LDB2: variants seen among roughly 807,000 people sequenced by gnomAD.
LDB2 encodes LIM domain-binding protein 2.
Under a neutral mutation model 44.3 loss-of-function variants are expected in LDB2, and 12 were observed. That is an observed-to-expected ratio of 0.27 (90% CI 0.17 to 0.44). The LOEUF (loss-of-function observed/expected upper bound fraction) is 0.44, where lower values mean the gene tolerates loss of function less well. Ranked by LOEUF, LDB2 falls within the 20% of genes least tolerant of loss-of-function variation. LDB2 has a pLI of 1.00. For missense variants in LDB2, 344 were observed against 473.5 expected (o/e 0.73, Z 2.54); for synonymous variants, 164 against 174.8 (o/e 0.94, Z 0.49).
intron 5 of LDB2, among the ~76,000 whole-genome samples, chr4:16,575,268 G>A (rs1042528596): frequency 6.6e-6 from 1 of 152,136 alleles, no homozygotes; most frequent in Non-Finnish European, 1.5e-5. Flanking sequence ...GCATCTGAAT[G>A]GATAAAGAGG....
intron 2 of LDB2, among the ~76,000 whole-genome samples, chr4:16,606,370 A>G (rs1318540626): frequency 6.6e-6 from 1 of 152,204 alleles, no homozygotes; most frequent in Non-Finnish European, 1.5e-5. Context: ...AAAGGGAAAT[A>G]TATATTTTAT....
intron 2 of LDB2, among the ~76,000 whole-genome samples, chr4:16,716,853 A>T (rs770783383): frequency 7.2e-5 from 11 of 152,068 alleles, no homozygotes; most frequent in Non-Finnish European, 1.6e-4. Flanking sequence ...ACAGATAAAT[A>T]TTTATACTAA....
intron 2 of LDB2, among the ~76,000 whole-genome samples, chr4:16,717,622 C>T (rs1375662996): frequency 6.6e-6 from 1 of 152,128 alleles, no homozygotes; most frequent in Non-Finnish European, 1.5e-5. Flanking sequence ...ATTTAGCTGC[C>T]ACACAGACCA....
chr4:16,694,629 C>T (rs1751662012), intron 2 of LDB2, among the ~76,000 whole-genome samples: 1 of 151,802 alleles, frequency 6.6e-6, no homozygotes, highest in African/African-American at 2.4e-5. Flanking sequence ...ACACAGCCGG[C>T]TTGAAACTTA....
rs368849446 is a variant in LDB2, at chr4:16,766,792, G to A, written c.133-7532C>T. Reference sequence around the variant, plus strand: ...AAGTGCTGGGATTACAGGCATGAGCGTGCTTGGCCCCAATTTATATATTGG... The same window carrying A: ...AAGTGCTGGGATTACAGGCATGAGCATGCTTGGCCCCAATTTATATATTGG... On this transcript the variant is annotated intron_variant, in intron 1 of 7. Transcript: ENST00000304523. Among the ~76,000 whole-genome samples, 26 of 152,030 alleles carry A rather than the reference G, an allele frequency of 1.7e-4. No homozygotes were observed. In the East Asian group the frequency reaches 1.7e-3, roughly 10 times the overall value.
intron 5 of LDB2, among the ~76,000 whole-genome samples, chr4:16,517,578 T>G (rs1284939922): frequency 2.0e-5 from 3 of 151,868 alleles, no homozygotes. Flanking sequence ...AGTACCGGAG[T>G]GAAGAATACC....
chr4:16,731,674 G>A (rs1416366594), intron 2 of LDB2, among the ~76,000 whole-genome samples: 1 of 152,152 alleles, frequency 6.6e-6, no homozygotes, highest in Non-Finnish European at 1.5e-5. Flanking sequence ...TATTGTTTAA[G>A]CCACCTAGTA....
At chr4:16,844,087 T>A (rs1481922565) in intron 1 of LDB2, among the ~76,000 whole-genome samples, 3 of 117,828 alleles carry the variant, frequency 2.5e-5, no homozygotes, top group African/African-American at 6.6e-5. Flanking sequence ...ACCCCATCTC[T>A]AAAAAAAAAA....
intron 2 of LDB2, among the ~76,000 whole-genome samples, chr4:16,682,802 A>C (rs1748273619): frequency 6.6e-6 from 1 of 152,346 alleles, no homozygotes; most frequent in Middle Eastern, 3.4e-3. Flanking sequence ...ATTTCAGACT[A>C]ATCTTTAATG....
intron 2 of LDB2, among the ~76,000 whole-genome samples, chr4:16,719,421 A>G (rs909824534): frequency 2.0e-5 from 3 of 152,122 alleles, no homozygotes; most frequent in Non-Finnish European, 1.5e-5. Flanking sequence ...TGTCCGTTCC[A>G]CAGAGGATGA....
At chr4:16,670,634 C>T (rs1022949420) in intron 2 of LDB2, among the ~76,000 whole-genome samples, 4 of 152,168 alleles carry the variant, frequency 2.6e-5, no homozygotes, top group African/African-American at 7.2e-5. Flanking sequence ...CAGTTAAGGA[C>T]CACAGGGTTA....
chr4:16,700,114 G>A (rs750461403), intron 2 of LDB2, among the ~76,000 whole-genome samples: 2 of 152,112 alleles, frequency 1.3e-5, no homozygotes, highest in Non-Finnish European at 2.9e-5. Flanking sequence ...ATGCTCCAAT[G>A]AACATTTCCT....
At chr4:16,530,730 C>G (rs1246737210) in intron 5 of LDB2, among the ~76,000 whole-genome samples, 2 of 152,194 alleles carry the variant, frequency 1.3e-5, no homozygotes, top group African/African-American at 4.8e-5. Flanking sequence ...CAGAGACTCT[C>G]CTGAAGTTTG....
intron 2 of LDB2, among the ~76,000 whole-genome samples, chr4:16,741,888 A>C (rs957280244): frequency 1.3e-5 from 2 of 152,196 alleles, no homozygotes; most frequent in African/African-American, 4.8e-5. Flanking sequence ...TCTATGATCT[A>C]GAGTCTATAT....
At chr4:16,892,990 T>C (rs1723854477) in intron 1 of LDB2, 1 of 551,118 alleles carries the variant, frequency 1.8e-6, no homozygotes. Context: ...GCAGCAATTT[T>C]TAATTAAAAA....
In LDB2 at chr4:16,633,444, AT is replaced by A. The variant is rs527476926; in HGVS notation, c.236-37570del. 6.0e-3 allele frequency among the ~76,000 whole-genome samples: 913 copies of A among 152,298 alleles called. 9 individuals carry two copies. The highest frequency in any genetic ancestry group is 0.021 in the African/African-American group (881 of 41,542). On this transcript the variant is annotated intron_variant, in intron 2 of 7. Transcript: ENST00000304523. ...TAGAACTTAAAGTATAATAAAAAAA[AT>A]CACAAGCATTCCTATACACCAATAA...
At chr4:16,689,540 A>G (rs770830925) in intron 2 of LDB2, among the ~76,000 whole-genome samples, 1 of 152,228 alleles carries the variant, frequency 6.6e-6, no homozygotes, top group Non-Finnish European at 1.5e-5. Flanking sequence ...GCCTTACACA[A>G]AAGAGATAAA....
At chr4:16,636,996 TC>T (rs1221087920) in intron 2 of LDB2, among the ~76,000 whole-genome samples, 5 of 152,216 alleles carry the variant, frequency 3.3e-5, no homozygotes, top group Non-Finnish European at 5.9e-5. Context: ...GGATCTGCCT[TC>T]ATTGAAATCA....
chr4:16,796,473 T>C (rs539612775), intron 1 of LDB2, among the ~76,000 whole-genome samples: 1 of 152,262 alleles, frequency 6.6e-6, no homozygotes, highest in South Asian at 2.1e-4. Flanking sequence ...CTGACATCCA[T>C]GAATCCATGC....
Sources: allele counts gnomAD v4.1 joint callset (sites outside exome capture counted in the v4.1 genomes callset), GRCh38; gene constraint gnomAD v4.1.1; transcripts MANE v1.5; gene names NCBI Gene and HGNC (gene_info 2026-07-23, HGNC 2026-07-21).